The following TMEM266 variants were observed in gnomAD, a reference collection of about 807,000 sequenced individuals.
TMEM266 encodes Hv1 related protein 1.
In TMEM266, 33 loss-of-function variants were observed where a neutral mutation model predicts 50.5. That is an observed-to-expected ratio of 0.65 (90% confidence interval 0.50 to 0.87). The LOEUF is 0.87. TMEM266 is among the 40% of genes least tolerant of loss of function. The probability of loss-of-function intolerance (pLI) is 0.00; values close to 1 mark genes in which losing one functional copy is unlikely to be tolerated. For missense variants in TMEM266, 655 were observed against 695.1 expected, an observed-to-expected ratio of 0.94 and a Z score of 0.65; for synonymous variants, 310 against 292.3, an observed-to-expected ratio of 1.06 and a Z score of -0.62.
chr15:76,165,327 G>A (rs555083589), intron 5 of TMEM266, among the ~76,000 whole-genome samples: 3 of 152,350 alleles, frequency 2.0e-5, no homozygotes, highest in African/African-American at 4.8e-5. Flanking sequence ...GGGACCAGAA[G>A]GTTCACTTGC....
intron 1 of TMEM266, among the ~76,000 whole-genome samples, chr15:76,106,996 C>T (rs138999894): frequency 1.3e-5 from 2 of 152,190 alleles, no homozygotes; most frequent in Non-Finnish European, 2.9e-5. Context: ...TCTTCCCAAC[C>T]ACACGTAAAC....
At chr15:76,199,933 C>T (rs894760683) in intron 9 of TMEM266, among the ~76,000 whole-genome samples, 11 of 152,130 alleles carry the variant, frequency 7.2e-5, no homozygotes, top group African/African-American at 1.4e-4. Flanking sequence ...TCATGTAGAC[C>T]GTGAGTAGAA....
At chr15:76,104,236 C>T (rs1257830409) in intron 1 of TMEM266, among the ~76,000 whole-genome samples, 2 of 151,528 alleles carry the variant, frequency 1.3e-5, no homozygotes, top group South Asian at 2.1e-4. Flanking sequence ...TGGGAGTCAT[C>T]GGCAAATAGA....
At chr15:76,182,901 A>G (rs1382110666) in intron 8 of TMEM266, among the ~76,000 whole-genome samples, 1 of 152,060 alleles carries the variant, frequency 6.6e-6, no homozygotes, top group Admixed American at 6.6e-5. Context: ...CGCCAGAAAG[A>G]GGCATCTGCC....
intron 3 of TMEM266, among the ~76,000 whole-genome samples, chr15:76,142,415 C>G (rs1329231800): frequency 6.6e-6 from 1 of 152,130 alleles, no homozygotes; most frequent in Non-Finnish European, 1.5e-5. Context: ...TAATAATACC[C>G]TGCTTTCAAT....
intron 7 of TMEM266, among the ~76,000 whole-genome samples, chr15:76,173,717 G>C (rs534466747): frequency 6.6e-6 from 1 of 152,232 alleles, no homozygotes; most frequent in African/African-American, 2.4e-5. Context: ...CAGATCACCT[G>C]AGGGCAGGAG....
chr15:76,080,945 CT>C (rs2036683590), intron 1 of TMEM266, among the ~76,000 whole-genome samples: 1 of 59,458 alleles, frequency 1.7e-5, no homozygotes, highest in Non-Finnish European at 4.7e-5. Flanking sequence ...GAGATGAGGT[CT>C]CATTATGTTG....
chr15:76,110,807 A>G (rs931398813), intron 1 of TMEM266, among the ~76,000 whole-genome samples: 2 of 152,246 alleles, frequency 1.3e-5, no homozygotes. Flanking sequence ...CAATAGTCCA[A>G]TCAAAAAGTG....
Position 76,175,634 on chromosome 15 carries a change from A to T in TMEM266, c.728A>T (p.Glu243Val). The change falls in exon 8 of 11, where the codon GAG becomes GTG. Residue 243 changes from glutamate (E) to valine (V), a missense_variant. Coordinates refer to ENST00000388942, the MANE Select transcript of TMEM266 (RefSeq NM_152335.3). The stretch of plus-strand genomic sequence containing the variant: ...GAGAAGGCCAAGGTCATCCAAGACG[A>T]GCAGCTGGAGAGGCTGACGCAGATC... 1.2e-6 allele frequency: 2 copies of T among 1,614,206 alleles called. No individual in the cohort carries two copies. The highest frequency in any genetic ancestry group is 1.7e-6 in the Non-Finnish European group (2 of 1,180,016).
chr15:76,110,579 T>C (rs1312856130), intron 1 of TMEM266, among the ~76,000 whole-genome samples: 3 of 152,144 alleles, frequency 2.0e-5, no homozygotes, highest in African/African-American at 7.2e-5. Context: ...GTCAAGCCCA[T>C]AGACATGGAC....
At chr15:76,130,219 A>G (rs2037485117) in intron 1 of TMEM266, among the ~76,000 whole-genome samples, 2 of 26,534 alleles carry the variant, frequency 7.5e-5, no homozygotes, top group Non-Finnish European at 1.6e-4. Context: ...AGACCCTGTC[A>G]AAAAAAAAAA....
intron 3 of TMEM266, among the ~76,000 whole-genome samples, chr15:76,151,136 G>A (rs2037836992): frequency 6.6e-6 from 1 of 152,174 alleles, no homozygotes; most frequent in Non-Finnish European, 1.5e-5. Flanking sequence ...GCCCTCTCGT[G>A]GCAATTCTGG....
chr15:76,134,069 C>T (rs898211997), intron 1 of TMEM266, 99 bp from the exon 2 acceptor site: 26 of 523,436 alleles, frequency 5.0e-5, no homozygotes, highest in Non-Finnish European at 8.5e-5. Flanking sequence ...AAGAAAAGTG[C>T]TAGATGGAAG....
At chr15:76,118,173 C>T (rs1409764405) in intron 1 of TMEM266, among the ~76,000 whole-genome samples, 1 of 152,208 alleles carries the variant, frequency 6.6e-6, no homozygotes, top group African/African-American at 2.4e-5. Context: ...TTAATCTTGT[C>T]CCATCTTCAC....
At chr15:76,188,273 T>C (rs927619547) in intron 8 of TMEM266, among the ~76,000 whole-genome samples, 13 of 152,234 alleles carry the variant, frequency 8.5e-5, no homozygotes, top group African/African-American at 2.6e-4. Flanking sequence ...CTCACAATCA[T>C]GGCAGAAGGG....
chr15:76,115,987 G>C (rs531009991), intron 1 of TMEM266, among the ~76,000 whole-genome samples: 28 of 152,218 alleles, frequency 1.8e-4, no homozygotes, highest in African/African-American at 6.3e-4. Context: ...TCTAGGCCTG[G>C]CTTTCTCGCT....
At chr15:76,094,797 A>G (rs926181929) in intron 1 of TMEM266, among the ~76,000 whole-genome samples, 2 of 152,034 alleles carry the variant, frequency 1.3e-5, no homozygotes, top group Non-Finnish European at 1.5e-5. Context: ...TTCCTTGAGC[A>G]GTGGTTTGTA....
At chr15:76,069,725 G>A (rs2036506628) in intron 1 of TMEM266, among the ~76,000 whole-genome samples, 4 of 152,100 alleles carry the variant, frequency 2.6e-5, no homozygotes, top group Admixed American at 2.6e-4. Context: ...GGCTGAGGCA[G>A]GAGAATTGCT....
chr15:76,138,419 T>G (rs1245668740), intron 3 of TMEM266, among the ~76,000 whole-genome samples: 1 of 152,098 alleles, frequency 6.6e-6, no homozygotes, highest in Non-Finnish European at 1.5e-5. Context: ...AGACGACCTC[T>G]TAGGAGAATC....
Sources: gnomAD v4.1 joint callset for allele counts (sites outside exome capture counted in the v4.1 genomes callset) on GRCh38, gnomAD v4.1.1 for gene constraint, MANE v1.5 for transcripts, NCBI Gene and HGNC (gene_info 2026-07-23, HGNC 2026-07-21) for gene names.